TATDN2: variants seen among roughly 807,000 people sequenced by gnomAD.
The protein encoded by TATDN2 is 3'-5' RNA nuclease TATDN2.
In TATDN2, 44 loss-of-function variants were observed where a neutral mutation model predicts 60.3. The ratio of observed to expected loss-of-function variants is 0.73; its 90% confidence interval spans 0.57 to 0.94. The LOEUF is 0.94. TATDN2 is among the 40% of genes least tolerant of loss of function. The probability of loss-of-function intolerance (pLI) is 0.00; values close to 1 mark genes in which losing one functional copy is unlikely to be tolerated. For synonymous variants in TATDN2, 399 were observed against 355.8 expected (o/e 1.12, Z -1.37); for missense variants, 997 against 948.0 (o/e 1.05, Z -0.68).
At chr3:10,259,133 A>G (rs950511157) in intron 2 of TATDN2, among the ~76,000 whole-genome samples, 2 of 152,000 alleles carry the variant, frequency 1.3e-5, no homozygotes, top group Admixed American at 1.3e-4. Flanking sequence ...TGGCCTCCCA[A>G]AGTGTTGGGA....
intron 2 of TATDN2, among the ~76,000 whole-genome samples, chr3:10,251,670 G>A (rs1698234166): frequency 1.3e-5 from 2 of 152,058 alleles, no homozygotes. Context: ...ACAGGTGTGA[G>A]CCACCATGCC....
intron 3 of TATDN2, among the ~76,000 whole-genome samples, chr3:10,267,365 G>C (rs1280040364): frequency 6.6e-6 from 1 of 151,332 alleles, no homozygotes; most frequent in Non-Finnish European, 1.5e-5. Context: ...GTCTGTTTAT[G>C]GTGTATGTTT....
At chr3:10,264,974 C>A (rs1698456161) in intron 3 of TATDN2, among the ~76,000 whole-genome samples, 1 of 144,652 alleles carries the variant, frequency 6.9e-6, no homozygotes, top group African/African-American at 2.6e-5. Flanking sequence ...CCGCGCCTGG[C>A]TCAAGTTTAT....
chr3:10,278,875 T>C lies in TATDN2; in HGVS notation c.2146-10T>C. ...GCACAATGATGTTATGACCACTTGA[T>C]GTCTTCCAGGTTCCCAAAAGCCTTT... On this transcript the variant is annotated splice_polypyrimidine_tract_variant and intron_variant, in intron 6 of 7. Coordinates refer to ENST00000448281, the MANE Select transcript of TATDN2 (RefSeq NM_014760.4). The surrounding 1 kb of genome is among the most constrained non-coding windows in gnomAD (Gnocchi z 4.7). The C allele has an allele frequency of 6.2e-7, 1 of 1,614,070 alleles. No individual in the cohort carries two copies. Among genetic ancestry groups the C allele is most frequent in the Non-Finnish European group, 8.5e-7 (1 of 1,179,968 alleles).
At chr3:10,276,713 T>C (rs999476909) in intron 5 of TATDN2, among the ~76,000 whole-genome samples, 4 of 152,092 alleles carry the variant, frequency 2.6e-5, no homozygotes, top group Admixed American at 2.0e-4. Flanking sequence ...CTCAGCCTCC[T>C]GAGTAGCTGG....
chr3:10,255,083 T>C (rs1427513261), intron 2 of TATDN2, among the ~76,000 whole-genome samples: 1 of 138,510 alleles, frequency 7.2e-6, no homozygotes, highest in Non-Finnish European at 1.5e-5. Flanking sequence ...TGCAATTGGC[T>C]CACTGCATCC....
chr3:10,259,911 C>A lies in TATDN2; in HGVS notation c.415-226C>A, dbSNP rs77634477. ...CATTTCAGCTCCTTCCGTCCCCTTG[C>A]AGTGAAAGGATATCATCTGCTGAGC... is the stretch of plus-strand genomic sequence containing the variant. On this transcript the variant is annotated intron_variant, in intron 2 of 7. Coordinates refer to ENST00000448281, the MANE Select transcript of TATDN2 (RefSeq NM_014760.4). 3.3e-3 allele frequency among the ~76,000 whole-genome samples: 506 copies of A among 152,284 alleles called. 14 individuals carry two copies. In the South Asian group the frequency reaches 0.058, roughly 17 times the overall value.
chr3:10,270,226 A>T lies in TATDN2; in HGVS notation c.1044A>T (p.Glu348Asp). Residue 348 changes from glutamate (E) to aspartate (D), a missense_variant, in exon 4 of 8, where the codon GAA (glutamate) becomes GAT (aspartate). Glu to Asp is a conservative substitution (Grantham distance 45). Coordinates refer to ENST00000448281, the MANE Select transcript of TATDN2 (RefSeq NM_014760.4). ...EISTVRFSQE[E>D]PVSLKPSAVP... ...CCACAGTCAGATTCTCTCAGGAGGAACCTGTCTCCCTGAAACCTTCAGCCG... is the reference window on the plus strand; with the variant it reads ...CCACAGTCAGATTCTCTCAGGAGGATCCTGTCTCCCTGAAACCTTCAGCCG... The T allele has an allele frequency of 6.2e-7, 1 of 1,614,156 alleles. No individual in the cohort carries two copies. The highest frequency in any genetic ancestry group is 1.6e-4 in the Middle Eastern group (1 of 6,062).
At chr3:10,257,868 T>TTTTTTTTTG (rs1698337159) in intron 2 of TATDN2, among the ~76,000 whole-genome samples, 1 of 90,002 alleles carries the variant, frequency 1.1e-5, no homozygotes, top group Non-Finnish European at 2.0e-5. Context: ...TTTTTTTTTT[T>TTTTTTTTTG]TTTTTTTTGG....
In TATDN2 at chr3:10,278,670, C is replaced by T; in HGVS notation, c.2145+208C>T. 1 of 979,596 alleles carries T rather than the reference C, an allele frequency of 1.0e-6. No homozygotes were observed. Among genetic ancestry groups the T allele is most frequent in the Non-Finnish European group, 1.6e-6 (1 of 636,798 alleles). 60.7% of individuals were successfully genotyped at this position (979,596 alleles called of 1,614,324 possible). ...GGTAACCACTCTCTTCCAGGCAGTG[C>T]AAAGCCCTACCCTGTAGAGGGTAGT... is the stretch of plus-strand genomic sequence containing the variant. On this transcript the variant is annotated intron_variant, in intron 6 of 7. Coordinates refer to ENST00000448281, the MANE Select transcript of TATDN2 (RefSeq NM_014760.4). This position sits in a 1 kb window ranked among gnomAD's most constrained non-coding sequence, Gnocchi z 4.7.
At chr3:10,251,839 A>G (rs1698236055) in intron 2 of TATDN2, among the ~76,000 whole-genome samples, 1 of 145,634 alleles carries the variant, frequency 6.9e-6, no homozygotes, top group Non-Finnish European at 1.5e-5. Flanking sequence ...GTGCCACCAC[A>G]CCCTGCAGAT....
In TATDN2 at chr3:10,276,428, C is replaced by T; in HGVS notation, c.1901C>T (p.Ala634Val). 3 of 1,614,040 alleles carry T rather than the reference C, an allele frequency of 1.9e-6. No individual in the cohort carries two copies. Among genetic ancestry groups the T allele is most frequent in the Non-Finnish European group, 2.5e-6 (3 of 1,179,974 alleles). ...KKPLVIHCRE[A>V]DEDLLEIMKK... is the part of the protein sequence containing the mutation. ...CCCTTGGTGATCCACTGCCGAGAAG[C>T]TGATGAAGATCTGCTAGAAATCATG... The change falls in exon 5 of 8, where the codon GCT (alanine) becomes GTT (valine). Residue 634 changes from alanine (A) to valine (V), a missense_variant. Ala to Val is a moderately conservative substitution (Grantham distance 64). Coordinates refer to ENST00000448281, the MANE Select transcript of TATDN2 (RefSeq NM_014760.4).
chr3:10,256,852 G>A (rs1302075435), intron 2 of TATDN2, among the ~76,000 whole-genome samples: 2 of 151,800 alleles, frequency 1.3e-5, no homozygotes, highest in East Asian at 3.9e-4. Context: ...AAGCAGAGGA[G>A]ATAAGATGTG....
In TATDN2 at chr3:10,275,410, T is replaced by C. The variant is rs368319072; in HGVS notation, c.1834-951T>C. ...TAGTGTTATAAAGAGTAAAGTATAT[T>C]TGTAGTTATTGACCTGCGAGGATAC... On this transcript the variant is annotated intron_variant, in intron 4 of 7. Coordinates refer to ENST00000448281, the MANE Select transcript of TATDN2 (RefSeq NM_014760.4). Among the ~76,000 whole-genome samples the C allele has an allele frequency of 5.3e-5, 8 of 152,304 alleles. 1 individual carries two copies. Among genetic ancestry groups the C allele is most frequent in the African/African-American group, 1.9e-4 (8 of 41,560 alleles).
chr3:10,279,827 T>TG lies in TATDN2; in HGVS notation c.*652dup, dbSNP rs553842512. 31 of 153,186 alleles carry TG rather than the reference T, an allele frequency of 2.0e-4. No individual in the cohort carries two copies. The highest frequency in any genetic ancestry group is 1.9e-4 in the Non-Finnish European group (13 of 68,118). The allele number at this position is 153,186 out of a possible 1,614,324, so 9.5% of individuals were successfully genotyped here. The stretch of plus-strand genomic sequence containing the variant: ...CTCATTGGTTCCACTGCCATTGATA[T>TG]GGGGGGGTGCAGAGGAGCACTCATT... On this transcript the variant is annotated 3_prime_UTR_variant, in exon 8 of 8. Transcript: ENST00000448281.
At chr3:10,252,239 GT>G in intron 2 of TATDN2, among the ~76,000 whole-genome samples, 1 of 146,414 alleles carries the variant, frequency 6.8e-6, no homozygotes, top group African/African-American at 2.7e-5. Context: ...GGCTCAAGCT[GT>G]CCTCTTGCCT....
rs1480348456 is a variant in TATDN2 at position 10,260,207 on chromosome 3, A to G, written c.485A>G (p.Asp162Gly). The G allele has an allele frequency of 1.2e-6, 2 of 1,614,162 alleles. No individual in the cohort carries two copies. Among genetic ancestry groups the G allele is most frequent in the Non-Finnish European group, 1.7e-6 (2 of 1,180,030 alleles). The change falls in exon 3 of 8, where the codon GAT becomes GGT. Residue 162 changes from aspartate to glycine, a missense_variant. Transcript: ENST00000448281. ...GCAGCTGAAGCTGAGGGTCAGAATG[A>G]TACAATTGAGGAACCCAACAAGGTC... Reference protein sequence around the residue: ...EFAAEAEGQNDTIEEPNKVQK... With the variant: ...EFAAEAEGQNGTIEEPNKVQK...
intron 3 of TATDN2, among the ~76,000 whole-genome samples, chr3:10,265,691 A>G (rs979507198): frequency 6.6e-6 from 1 of 151,650 alleles, no homozygotes; most frequent in African/African-American, 2.4e-5. Flanking sequence ...CAAAAAAAAA[A>G]AAAAAAAAAA....
chr3:10,279,096 A>C, intron 7 of TATDN2, 33 bp downstream of exon 7: 1 of 1,554,804 alleles, frequency 6.4e-7, no homozygotes, highest in Non-Finnish European at 8.7e-7. Context: ...TTTTTTAAAA[A>C]CCAGGACAAG....
Sources: allele counts gnomAD v4.1 joint callset (sites outside exome capture counted in the v4.1 genomes callset), GRCh38; gene constraint gnomAD v4.1.1; non-coding constraint Gnocchi (gnomAD v3.1); transcripts MANE v1.5; gene names NCBI Gene and HGNC (gene_info 2026-07-23, HGNC 2026-07-21).